Variants in DZIP3 observed in about 807,000 individuals in gnomAD.
DZIP3 encodes DAZ interacting zinc finger protein 3.
DZIP3 carries 118 observed loss-of-function variants against 162.0 expected under a neutral mutation model. The observed-to-expected ratio is 0.73, with a 90% CI of 0.63 to 0.85. The LOEUF (loss-of-function observed/expected upper bound fraction) is 0.85. DZIP3 is among the 40% of genes least tolerant of loss of function. The pLI is 0.00. For synonymous variants in DZIP3, 438 were observed against 458.6 expected (o/e 0.96, Z 0.57); for missense variants, 1,331 against 1,407.0 (o/e 0.95, Z 0.86).
At chr3:108,592,763 A>G (rs913739129) in intron 1 of DZIP3, among the ~76,000 whole-genome samples, 1 of 151,318 alleles carries the variant, frequency 6.6e-6, no homozygotes, top group African/African-American at 2.4e-5. Flanking sequence ...GAGATTTTAT[A>G]TAGTTTGTCA....
chr3:108,652,426 A>G (rs981664071), intron 18 of DZIP3, among the ~76,000 whole-genome samples: 2 of 151,900 alleles, frequency 1.3e-5, no homozygotes, highest in East Asian at 1.9e-4. Context: ...TATTATCTCA[A>G]TGCTGTTACT....
At chr3:108,653,426 A>G (rs1031851276) in intron 18 of DZIP3, among the ~76,000 whole-genome samples, 8 of 150,664 alleles carry the variant, frequency 5.3e-5, no homozygotes, top group Non-Finnish European at 1.2e-4. Flanking sequence ...ACTAAGTAGT[A>G]GGCCAAGTGA....
intron 21 of DZIP3, among the ~76,000 whole-genome samples, chr3:108,663,529 C>G (rs1053286484): frequency 7.5e-5 from 11 of 145,858 alleles, no homozygotes; most frequent in African/African-American, 2.5e-4. Flanking sequence ...GCACTCCAGT[C>G]TGGGGAACAA....
chr3:108,674,033 C>T, intron 23 of DZIP3, 45 bp from the exon 24 acceptor site: 1 of 1,405,954 alleles, frequency 7.1e-7, no homozygotes, highest in Non-Finnish European at 1.0e-6. Context: ...TGTTCCTTTA[C>T]AAGCACACCT....
rs547599354 is a variant in DZIP3 at position 108,626,068 on chromosome 3, G to T, written c.581+99G>T. 1.1e-4 allele frequency: 143 copies of T among 1,340,574 alleles called. No individual in the cohort carries two copies. The South Asian group carries it at 2.3e-3, about 21-fold the overall frequency. 83.0% of individuals were successfully genotyped at this position (1,340,574 alleles called of 1,614,324 possible). On this transcript the variant is annotated intron_variant, in intron 7 of 32. Transcript: ENST00000361582. The stretch of plus-strand genomic sequence containing the variant: ...GTATATCAGGCATTGTGACATTTGT[G>T]CTCTACTGTTTTATCCTTTTCTTCT...
chr3:108,593,496 T>C (rs1022268215), intron 1 of DZIP3, among the ~76,000 whole-genome samples: 1 of 152,178 alleles, frequency 6.6e-6, no homozygotes, highest in Non-Finnish European at 1.5e-5. Flanking sequence ...ATTTGAATTA[T>C]ATGTTACCAT....
intron 1 of DZIP3, among the ~76,000 whole-genome samples, chr3:108,605,088 G>A (rs770875160): frequency 1.3e-5 from 2 of 152,108 alleles, no homozygotes; most frequent in Non-Finnish European, 2.9e-5. Context: ...AACATTCAGT[G>A]GTGAAAAATG....
chr3:108,598,697 T>G (rs1226181619), intron 1 of DZIP3, among the ~76,000 whole-genome samples: 1 of 152,206 alleles, frequency 6.6e-6, no homozygotes, highest in Non-Finnish European at 1.5e-5. Context: ...GCGTGCGTTA[T>G]GTCTCAGGAT....
intron 12 of DZIP3, among the ~76,000 whole-genome samples, chr3:108,641,170 G>A (rs549149844): frequency 1.3e-5 from 2 of 151,992 alleles, no homozygotes; most frequent in Non-Finnish European, 2.9e-5. Flanking sequence ...CATGTATAGT[G>A]TAAGAACCTT....
chr3:108,687,205 C>T (rs928293519), intron 28 of DZIP3, among the ~76,000 whole-genome samples: 3 of 151,880 alleles, frequency 2.0e-5, no homozygotes, highest in Admixed American at 6.6e-5. Context: ...TACTGGCACA[C>T]TTCATTATTA....
At chr3:108,667,280 A>G (rs1044973997) in intron 21 of DZIP3, among the ~76,000 whole-genome samples, 1 of 152,210 alleles carries the variant, frequency 6.6e-6, no homozygotes, top group African/African-American at 2.4e-5. Context: ...GACTGACAAT[A>G]TAAAAGACAT....
At chr3:108,620,960 T>TA (rs893464055) in intron 5 of DZIP3, among the ~76,000 whole-genome samples, 40 of 152,172 alleles carry the variant, frequency 2.6e-4, no homozygotes, top group African/African-American at 9.4e-4. Context: ...TAGCTGGGAC[T>TA]ACAGGCGCGT....
chr3:108,621,581 G>A (rs1941345786), intron 5 of DZIP3, among the ~76,000 whole-genome samples: 2 of 152,170 alleles, frequency 1.3e-5, no homozygotes, highest in African/African-American at 2.4e-5. Flanking sequence ...AGGTTAAAAT[G>A]GCTTATGTAC....
chr3:108,657,485 G>A (rs1314281859), intron 19 of DZIP3, among the ~76,000 whole-genome samples: 3 of 152,130 alleles, frequency 2.0e-5, no homozygotes, highest in Non-Finnish European at 2.9e-5. Flanking sequence ...AGCTCCTGAA[G>A]GAAGCACTAA....
At chr3:108,662,629 AT>A (rs1943492101) in intron 21 of DZIP3, among the ~76,000 whole-genome samples, 1 of 152,196 alleles carries the variant, frequency 6.6e-6, no homozygotes, top group Admixed American at 6.5e-5. Flanking sequence ...AGTTGAGTGT[AT>A]TTTTATGTTG....
intron 19 of DZIP3, among the ~76,000 whole-genome samples, chr3:108,658,717 A>G (rs1207303498): frequency 1.0e-3 from 154 of 152,208 alleles, no homozygotes; most frequent in Non-Finnish European, 1.6e-3. Flanking sequence ...TTTTTTGAAA[A>G]GATCAACAAA....
chr3:108,672,637 G>A lies in DZIP3; in HGVS notation c.2570G>A (p.Ser857Asn). The change falls in exon 23 of 33, where the codon AGC (serine) becomes AAC (asparagine). Residue 857 changes from serine (S) to asparagine (N), a missense_variant. This residue lies in a region of DZIP3 where 1,278 missense variants were observed against 1,317.1 expected (regional missense o/e 0.97). Transcript: ENST00000361582. ...TYVSKLNAETSRALTAEVYFL... is the reference protein window; with the variant it reads ...TYVSKLNAETNRALTAEVYFL... ...GTAAGCAAACTGAACGCAGAAACTAGCAGAGCTTTAACAGCCGAGGTAACA... is the reference window on the plus strand; with the variant it reads ...GTAAGCAAACTGAACGCAGAAACTAACAGAGCTTTAACAGCCGAGGTAACA... 2 of 1,611,838 alleles carry A rather than the reference G, an allele frequency of 1.2e-6. No homozygotes were observed. Among genetic ancestry groups the A allele is most frequent in the African/African-American group, 1.3e-5 (1 of 74,858 alleles).
At chr3:108,608,991 C>T (rs538068579) in intron 3 of DZIP3, among the ~76,000 whole-genome samples, 1 of 152,210 alleles carries the variant, frequency 6.6e-6, no homozygotes, top group Non-Finnish European at 1.5e-5. Context: ...GAAGCAAGCA[C>T]GCCTTCACGT....
At position 108,609,459 on chromosome 3, in the gene DZIP3, A is replaced by G. The variant is rs531411557; in HGVS notation, c.102+1301A>G. 4.6e-5 allele frequency among the ~76,000 whole-genome samples: 7 copies of G among 152,310 alleles called. No homozygotes were observed. The East Asian group carries it at 1.3e-3, about 29-fold the overall frequency. The stretch of plus-strand genomic sequence containing the variant: ...AATACAAAAAGCAAGGAAGGTGGAC[A>G]CTTTGACCTGAATTTTGTTTAGATA... On this transcript the variant is annotated intron_variant, in intron 3 of 32. Coordinates refer to ENST00000361582, the MANE Select transcript of DZIP3 (RefSeq NM_014648.4).
Sources: gnomAD v4.1 joint callset for allele counts (sites outside exome capture counted in the v4.1 genomes callset) on GRCh38, gnomAD v4.1.1 for gene constraint, gnomAD v4.1.1 regional missense constraint, MANE v1.5 for transcripts, NCBI Gene and HGNC (gene_info 2026-07-23, HGNC 2026-07-21) for gene names.